SEZ6L: variants seen among roughly 807,000 people sequenced by gnomAD.
SEZ6L encodes the protein seizure 6-like protein.
In SEZ6L, 37 loss-of-function variants were observed where a neutral mutation model predicts 106.2. The observed-to-expected ratio is 0.35, with a 90% CI of 0.27 to 0.46. The LOEUF (loss-of-function observed/expected upper bound fraction) is 0.46. Ranked by LOEUF, SEZ6L falls within the 20% of genes least tolerant of loss-of-function variation. The probability of loss-of-function intolerance (pLI) is 1.00; values close to 1 mark genes in which losing one functional copy is unlikely to be tolerated. For missense variants in SEZ6L, 1,172 were observed against 1,332.8 expected (o/e 0.88, Z 1.88); for synonymous variants, 541 against 570.4 (o/e 0.95, Z 0.73).
intron 9 of SEZ6L, among the ~76,000 whole-genome samples, chr22:26,334,590 G>A (rs2082588763): frequency 6.6e-6 from 1 of 152,204 alleles, no homozygotes; most frequent in Non-Finnish European, 1.5e-5. Context: ...AAGGGGAGGA[G>A]TATCAGGGCC....
At chr22:26,330,247 G>C (rs564618230) in intron 9 of SEZ6L, among the ~76,000 whole-genome samples, 1 of 137,202 alleles carries the variant, frequency 7.3e-6, no homozygotes, top group Non-Finnish European at 1.6e-5. Context: ...TTTGGATTCC[G>C]GCTCTGCTAT....
chr22:26,222,246 A>C (rs534389638), intron 1 of SEZ6L, among the ~76,000 whole-genome samples: 1 of 152,304 alleles, frequency 6.6e-6, no homozygotes, highest in South Asian at 2.1e-4. Flanking sequence ...CCTCACAGGA[A>C]CTTAGAGTGC....
chr22:26,348,496 G>T (rs2083082936), intron 11 of SEZ6L, among the ~76,000 whole-genome samples: 1 of 129,238 alleles, frequency 7.7e-6, no homozygotes, highest in Admixed American at 8.7e-5. Context: ...CTGTTGAGAG[G>T]GGTGGCTGGG....
At chr22:26,343,961 G>A (rs2082927570) in intron 10 of SEZ6L, among the ~76,000 whole-genome samples, 1 of 152,218 alleles carries the variant, frequency 6.6e-6, no homozygotes, top group Non-Finnish European at 1.5e-5. Context: ...AGAATGCCAT[G>A]ATTGATTAGT....
rs1002290444 is a variant in SEZ6L, at chr22:26,365,282, G to A, written c.2600-90G>A. The A allele has an allele frequency of 4.4e-6, 5 of 1,138,078 alleles. No homozygotes were observed. In the African/African-American group the frequency reaches 7.6e-5, roughly 17 times the overall value. 70.5% of individuals were successfully genotyped at this position (1,138,078 alleles called of 1,614,324 possible). ...GATGCAGAGAGAGGATGCTGGAGAG[G>A]CTGACCAAAGCTAGATCACACGGGT... On this transcript the variant is annotated intron_variant, in intron 12 of 16. Coordinates refer to ENST00000248933, the MANE Select transcript of SEZ6L (RefSeq NM_021115.5).
Position 26,219,254 on chromosome 22 carries a change from G to GTTTTTT in SEZ6L, c.94+49502_94+49507dup, listed in dbSNP as rs10635478. ...CATAGAAGATGTTCGAGAAATACAA[G>GTTTTTT]TTTTTTTTTTTTTTTTCGCTCCTGG... On this transcript the variant is annotated intron_variant, in intron 1 of 16. Transcript: ENST00000248933. Among the ~76,000 whole-genome samples the GTTTTTT allele has an allele frequency of 5.8e-4, 79 of 135,066 alleles. 4 individuals are homozygous for GTTTTTT. The highest frequency in any genetic ancestry group is 8.3e-4 in the Admixed American group (11 of 13,242). 88.6% of individuals were successfully genotyped at this position (135,066 alleles called of 152,430 possible).
intron 1 of SEZ6L, among the ~76,000 whole-genome samples, chr22:26,206,701 C>G (rs1941289502): frequency 6.6e-6 from 1 of 152,218 alleles, no homozygotes; most frequent in Non-Finnish European, 1.5e-5. Flanking sequence ...TATATTACCT[C>G]TAGCGTAGAT....
intron 10 of SEZ6L, among the ~76,000 whole-genome samples, chr22:26,344,515 A>C (rs1367367099): frequency 1.3e-5 from 2 of 152,210 alleles, no homozygotes; most frequent in African/African-American, 4.8e-5. Flanking sequence ...TTTCCTCTTG[A>C]TTCAAACAAA....
chr22:26,225,567 C>T (rs1424410281), intron 1 of SEZ6L, among the ~76,000 whole-genome samples: 1 of 152,158 alleles, frequency 6.6e-6, no homozygotes, highest in Non-Finnish European at 1.5e-5. Context: ...AGACAACTGA[C>T]AAAATGATGT....
chr22:26,348,778 G>GGAGA (rs1376407937), intron 11 of SEZ6L, among the ~76,000 whole-genome samples: 2 of 6,396 alleles, frequency 3.1e-4, no homozygotes, highest in Non-Finnish European at 5.4e-4. Flanking sequence ...GGGGAGGGAA[G>GGAGA]GGGAGGGAAG....
chr22:26,231,784 A>C (rs2078805576), intron 1 of SEZ6L, among the ~76,000 whole-genome samples: 1 of 152,238 alleles, frequency 6.6e-6, no homozygotes, highest in South Asian at 2.1e-4. Context: ...CACGATGCAG[A>C]AGCCCCCAGC....
chr22:26,376,168 G>C (rs2084216631), intron 15 of SEZ6L, among the ~76,000 whole-genome samples: 1 of 151,508 alleles, frequency 6.6e-6, no homozygotes, highest in Non-Finnish European at 1.5e-5. Context: ...CTTACTAGGT[G>C]CCAGGCAGTT....
Position 26,341,272 on chromosome 22 carries a change from CAA to C in SEZ6L, c.2212+649_2212+650del, listed in dbSNP as rs55747168. On this transcript the variant is annotated intron_variant, in intron 10 of 16. Coordinates refer to ENST00000248933, the MANE Select transcript of SEZ6L (RefSeq NM_021115.5). ...CCTGCTCCTCCTAAAACAAACAAAA[CAA>C]AAAAAAAACCTGCTATCAAATTCAA... 1.7e-3 allele frequency among the ~76,000 whole-genome samples: 252 copies of C among 149,972 alleles called. 1 individual carries two copies. The highest frequency in any genetic ancestry group is 5.8e-3 in the African/African-American group (236 of 40,836).
At position 26,365,455 on chromosome 22, in the gene SEZ6L, G is replaced by A; in HGVS notation, c.2683G>A (p.Glu895Lys). 6.2e-7 allele frequency: 1 copy of A among 1,614,174 alleles called. No individual in the cohort carries two copies. The highest frequency in any genetic ancestry group is 8.5e-7 in the Non-Finnish European group (1 of 1,180,018). The change falls in exon 13 of 17, where the codon GAG (glutamate) becomes AAG (lysine). Residue 895 changes from glutamate (E) to lysine (K), a missense_variant. Physicochemically the swap from Glu to Lys is moderately conservative, Grantham distance 56. Transcript: ENST00000248933. ...ILYKRLYLPG[E>K]SLTFMCYEGF... ...GTACAAGCGACTCTACCTGCCAGGA[G>A]AGTCCCTCACCTTCATGTGCTACGA...
rs529001031 is a variant in SEZ6L, at chr22:26,332,015, C to T, written c.2016-8421C>T. On this transcript the variant is annotated intron_variant, in intron 9 of 16. Transcript: ENST00000248933. Reference sequence around the variant, plus strand: ...AGAATTTAATTTAATTTTTAAAAAACGATGTCTGTAATACAAAAATCACAG... The same window carrying T: ...AGAATTTAATTTAATTTTTAAAAAATGATGTCTGTAATACAAAAATCACAG... Among the ~76,000 whole-genome samples the T allele has an allele frequency of 2.6e-5, 4 of 151,910 alleles. No individual in the cohort carries two copies. The South Asian group carries it at 6.3e-4, about 24-fold the overall frequency.
At chr22:26,288,002 C>T (rs756470109) in intron 1 of SEZ6L, among the ~76,000 whole-genome samples, 6 of 152,232 alleles carry the variant, frequency 3.9e-5, no homozygotes, top group Non-Finnish European at 7.3e-5. Context: ...GCGGTTAGCA[C>T]CCTTGTACCC....
intron 12 of SEZ6L, among the ~76,000 whole-genome samples, chr22:26,361,054 A>C (rs2083605754): frequency 6.6e-6 from 1 of 152,186 alleles, no homozygotes; most frequent in Non-Finnish European, 1.5e-5. Flanking sequence ...TGTCCAGATG[A>C]ACTTTTTGTG....
At chr22:26,341,842 G>A (rs557475371) in intron 10 of SEZ6L, among the ~76,000 whole-genome samples, 8 of 152,182 alleles carry the variant, frequency 5.3e-5, no homozygotes, top group South Asian at 2.1e-4. Context: ...ACATGTCCCC[G>A]TCTTTCTACG....
chr22:26,314,646 T>G (rs890770247), intron 9 of SEZ6L, among the ~76,000 whole-genome samples: 5 of 152,222 alleles, frequency 3.3e-5, no homozygotes, highest in African/African-American at 1.2e-4. Flanking sequence ...GCGGCTGGGT[T>G]TCCTGTATTC....
Sources: gnomAD v4.1 joint callset for allele counts (sites outside exome capture counted in the v4.1 genomes callset) on GRCh38, gnomAD v4.1.1 for gene constraint, MANE v1.5 for transcripts, NCBI Gene and HGNC (gene_info 2026-07-23, HGNC 2026-07-21) for gene names.